Variants in WDR49 observed in about 807,000 individuals in gnomAD.
WDR49 encodes cilia- and flagella-associated protein 337.
Under a neutral mutation model 119.5 loss-of-function variants are expected in WDR49, and 107 were observed. That is an observed-to-expected ratio of 0.90 (90% confidence interval 0.77 to 1.05). The LOEUF (loss-of-function observed/expected upper bound fraction) is 1.05, where lower values mean the gene tolerates loss of function less well. Among genes scored for constraint, WDR49 ranks in the 50% least tolerant of loss-of-function variants. WDR49 has a pLI of 0.00. For missense variants in WDR49, 1,240 were observed against 1,220.5 expected (o/e 1.02, Z -0.24); for synonymous variants, 425 against 418.8 (o/e 1.01, Z -0.18).
At chr3:167,611,762 A>G (rs1205099029) in intron 5 of WDR49, among the ~76,000 whole-genome samples, 1 of 152,214 alleles carries the variant, frequency 6.6e-6, no homozygotes, top group Non-Finnish European at 1.5e-5. Context: ...GTAATGATAA[A>G]GGGGTCAATT....
chr3:167,588,922 G>A (rs372773203), intron 7 of WDR49, among the ~76,000 whole-genome samples: 54 of 152,082 alleles, frequency 3.6e-4, no homozygotes, highest in African/African-American at 1.0e-3. Flanking sequence ...ACTTTGCTGC[G>A]CAGAAGCATT....
chr3:167,608,386 T>C lies in WDR49; in HGVS notation c.959-3918A>G, dbSNP rs2108311610. On this transcript the variant is annotated intron_variant, in intron 5 of 18. Coordinates refer to ENST00000682715, the MANE Select transcript of WDR49 (RefSeq NM_001366157.1). ...TCCCCATTATACCCAACTATCATCTTTAGTTTCCAGGTTATAAAGAAAGAC... is the reference window on the plus strand; with the variant it reads ...TCCCCATTATACCCAACTATCATCTCTAGTTTCCAGGTTATAAAGAAAGAC... 1.3e-5 allele frequency among the ~76,000 whole-genome samples: 2 copies of C among 152,336 alleles called. 1 individual carries two copies. Among genetic ancestry groups the C allele is most frequent in the South Asian group, 4.1e-4 (2 of 4,826 alleles).
At chr3:167,559,715 AAAGAAAACT>A (rs1713149885) in intron 9 of WDR49, among the ~76,000 whole-genome samples, 1 of 152,220 alleles carries the variant, frequency 6.6e-6, no homozygotes, top group African/African-American at 2.4e-5. Flanking sequence ...CAACTTTTAA[AAAGAAAACT>A]AGAGACATTA....
At chr3:167,550,432 A>G (rs1464186619) in intron 10 of WDR49, among the ~76,000 whole-genome samples, 1 of 152,068 alleles carries the variant, frequency 6.6e-6, no homozygotes, top group Non-Finnish European at 1.5e-5. Flanking sequence ...TTGGATTCCT[A>G]GGTATTTTAT....
At chr3:167,613,696 G>T (rs536874320) in intron 5 of WDR49, among the ~76,000 whole-genome samples, 1 of 152,244 alleles carries the variant, frequency 6.6e-6, no homozygotes, top group East Asian at 1.9e-4. Context: ...TGTAATCCCA[G>T]CAGTTTGGGA....
rs1751911402 is a variant in WDR49 at position 167,510,154 on chromosome 3, G to T, written c.2775-4738C>A. ...AATCCCAGCACTTTGGGAGGCCGAG[G>T]CGGGCAGATCACGAGGTCAGGAGTT... On this transcript the variant is annotated intron_variant, in intron 16 of 18. Transcript: ENST00000682715. Among the ~76,000 whole-genome samples, 4 of 152,212 alleles carry T rather than the reference G, an allele frequency of 2.6e-5. 1 individual carries two copies. The South Asian group carries it at 8.3e-4, about 32-fold the overall frequency.
intron 7 of WDR49, among the ~76,000 whole-genome samples, chr3:167,583,716 G>T (rs1191412271): frequency 6.6e-6 from 1 of 152,122 alleles, no homozygotes; most frequent in East Asian, 1.9e-4. Context: ...CAATAGCAAG[G>T]TACAGCCATT....
intron 15 of WDR49, among the ~76,000 whole-genome samples, chr3:167,524,231 T>C (rs965885310): frequency 1.3e-5 from 2 of 152,206 alleles, no homozygotes; most frequent in Non-Finnish European, 2.9e-5. Flanking sequence ...TCACTCACGT[T>C]TCGATGAGGT....
At chr3:167,505,023 A>G (rs991399064) in intron 17 of WDR49, among the ~76,000 whole-genome samples, 1 of 152,172 alleles carries the variant, frequency 6.6e-6, no homozygotes, top group Admixed American at 6.5e-5. Context: ...TTTTCTTTTT[A>G]AATAAATTAT....
intron 12 of WDR49, among the ~76,000 whole-genome samples, chr3:167,531,927 T>C (rs1312990557): frequency 6.6e-6 from 1 of 152,182 alleles, no homozygotes; most frequent in Non-Finnish European, 1.5e-5. Context: ...AGAAATTTGA[T>C]ATTTATTCAC....
chr3:167,654,070 T>C (rs1173699057), upstream of WDR49: 2 of 152,208 alleles, frequency 1.3e-5, no homozygotes, highest in Non-Finnish European at 2.9e-5. Context: ...AAAGTTTAAA[T>C]ATATAATGTA....
Position 167,627,017 on chromosome 3 carries a change from A to C in WDR49, c.441T>G (p.Ile147Met). Reference sequence around the variant, plus strand: ...GATAATGACTTGAATTTTTTAAGAAAATTACTTTTTGAATGGTGTCCTTGT... The same window carrying C: ...GATAATGACTTGAATTTTTTAAGAACATTACTTTTTGAATGGTGTCCTTGT... ...VKHKDTIQKVIFLKNSSHYLT... is the reference protein window; with the variant it reads ...VKHKDTIQKVMFLKNSSHYLT... Residue 147 changes from isoleucine (I) to methionine (M), a missense_variant, in exon 3 of 19, where the codon ATT becomes ATG. By Grantham distance (10) the Ile-to-Met change is conservative. Transcript: ENST00000682715. The C allele has an allele frequency of 7.5e-7, 1 of 1,327,104 alleles. No individual in the cohort carries two copies. 82.2% of individuals were successfully genotyped at this position (1,327,104 alleles called of 1,614,324 possible).
chr3:167,646,845 T>C (rs886532487), intron 2 of WDR49, among the ~76,000 whole-genome samples: 5 of 152,062 alleles, frequency 3.3e-5, no homozygotes, highest in Non-Finnish European at 2.9e-5. Context: ...GATTTCATAA[T>C]AGTCACATCC....
chr3:167,615,221 A>G (rs1248736214), intron 5 of WDR49, among the ~76,000 whole-genome samples: 1 of 152,128 alleles, frequency 6.6e-6, no homozygotes, highest in East Asian at 1.9e-4. Flanking sequence ...TGCAGCCTCA[A>G]TCTCCTGGGC....
chr3:167,526,409 C>A (rs1752630146), intron 15 of WDR49, among the ~76,000 whole-genome samples: 1 of 152,138 alleles, frequency 6.6e-6, no homozygotes, highest in Non-Finnish European at 1.5e-5. Context: ...CGTTTCGTTT[C>A]TTTACCTGTT....
chr3:167,509,010 T>C (rs1229683639), intron 16 of WDR49, among the ~76,000 whole-genome samples: 2 of 152,196 alleles, frequency 1.3e-5, no homozygotes, highest in African/African-American at 4.8e-5. Context: ...TAAAACATCA[T>C]AATTATTTTC....
At chr3:167,615,499 C>T (rs1259983484) in intron 5 of WDR49, among the ~76,000 whole-genome samples, 3 of 149,414 alleles carry the variant, frequency 2.0e-5, no homozygotes, top group African/African-American at 7.3e-5. Context: ...ACCATAATTT[C>T]TTTTGATATT....
intron 18 of WDR49, among the ~76,000 whole-genome samples, chr3:167,494,770 T>G (rs1283063562): frequency 6.6e-6 from 1 of 152,194 alleles, no homozygotes; most frequent in Non-Finnish European, 1.5e-5. Flanking sequence ...TTGGCCAGTC[T>G]TTCCCATAGG....
chr3:167,497,458 TAG>T (rs1751396923), intron 18 of WDR49, among the ~76,000 whole-genome samples: 1 of 152,188 alleles, frequency 6.6e-6, no homozygotes, highest in Admixed American at 6.5e-5. Context: ...GAGAATTTAT[TAG>T]AGTCTTTTAG....
Sources: gnomAD v4.1 joint callset for allele counts (sites outside exome capture counted in the v4.1 genomes callset) on GRCh38, gnomAD v4.1.1 for gene constraint, MANE v1.5 for transcripts, NCBI Gene and HGNC (gene_info 2026-07-23, HGNC 2026-07-21) for gene names.